SLC24A4: variants seen among roughly 807,000 people sequenced by gnomAD.
SLC24A4 encodes solute carrier family 24 member 4.
SLC24A4 carries 53 observed loss-of-function variants against 79.0 expected under a neutral mutation model. The ratio of observed to expected loss-of-function variants is 0.67; its 90% CI spans 0.54 to 0.84. The LOEUF (loss-of-function observed/expected upper bound fraction) is 0.84. Ranked by LOEUF, SLC24A4 falls within the 40% of genes least tolerant of loss-of-function variation. SLC24A4 has a pLI of 0.00. For missense variants in SLC24A4, 731 were observed against 822.0 expected (o/e 0.89, Z 1.35); for synonymous variants, 323 against 323.8 (o/e 1.00, Z 0.03).
chr14:92,391,536 A>G (rs2402134), intron 2 of SLC24A4, among the ~76,000 whole-genome samples: 10,624 of 152,228 alleles, frequency 0.07, 512 homozygotes, highest in Non-Finnish European at 0.097. Flanking sequence ...AGTGTTTGCT[A>G]CAGGGTAGGT....
At chr14:92,451,094 G>A (rs1465815472) in intron 10 of SLC24A4, 1 of 152,264 alleles carries the variant, frequency 6.6e-6, no homozygotes, top group Non-Finnish European at 1.5e-5. Flanking sequence ...AAGCACTGGG[G>A]AAGGAGGGAG....
chr14:92,474,863 A>ATATATT (rs36185636), intron 12 of SLC24A4, among the ~76,000 whole-genome samples: 636 of 57,086 alleles, frequency 0.011, 55 homozygotes, highest in African/African-American at 0.034. Context: ...ATATATATAT[A>ATATATT]TTTTTTTTTT....
At chr14:92,337,873 A>G (rs888929881) in intron 2 of SLC24A4, among the ~76,000 whole-genome samples, 1 of 152,080 alleles carries the variant, frequency 6.6e-6, no homozygotes, top group South Asian at 2.1e-4. Context: ...AGCTGCAATT[A>G]CCTCTTAAAG....
Position 92,412,790 on chromosome 14 carries a change from A to C in SLC24A4, c.242-21122A>C, listed in dbSNP as rs184623346. On this transcript the variant is annotated intron_variant, in intron 2 of 16. Coordinates refer to ENST00000532405, the MANE Select transcript of SLC24A4 (RefSeq NM_153646.4). ...TCCCACCGCCTCACCACCCTGCCTG[A>C]TGTTTCTAAAGTAAGGGCCAATCAA... Among the ~76,000 whole-genome samples the C allele has an allele frequency of 1.4e-4, 22 of 152,126 alleles. No individual in the cohort carries two copies. The East Asian group carries it at 4.3e-3, about 29-fold the overall frequency.
chr14:92,473,098 T>C (rs1051416458), intron 12 of SLC24A4, among the ~76,000 whole-genome samples: 1 of 152,230 alleles, frequency 6.6e-6, no homozygotes, highest in South Asian at 2.1e-4. Context: ...AAAACCTTTT[T>C]TTCATGACCA....
intron 2 of SLC24A4, among the ~76,000 whole-genome samples, chr14:92,403,682 A>C (rs1595226452): frequency 6.6e-6 from 1 of 151,904 alleles, no homozygotes; most frequent in East Asian, 1.9e-4. Flanking sequence ...AATCAGGGAG[A>C]ATTGCCTTCC....
Position 92,439,320 on chromosome 14 carries a change from C to A in SLC24A4, c.319-15C>A. ...GACCCTCACCGACCCTGCCTGTCTC[C>A]TCTCTCCTTTGCAGGCTCTGTATAT... On this transcript the variant is annotated splice_polypyrimidine_tract_variant and intron_variant, in intron 3 of 16. Transcript: ENST00000532405. 2 of 1,611,102 alleles carry A rather than the reference C, an allele frequency of 1.2e-6. No individual in the cohort carries two copies. The highest frequency in any genetic ancestry group is 8.5e-7 in the Non-Finnish European group (1 of 1,177,492).
rs1425980498 is a variant in SLC24A4 at position 92,490,251 on chromosome 14, A to G, written c.1538-1414A>G. 2.0e-5 allele frequency among the ~76,000 whole-genome samples: 3 copies of G among 152,224 alleles called. No individual in the cohort carries two copies. The highest frequency in any genetic ancestry group is 2.0e-4 in the Admixed American group (3 of 15,286). On this transcript the variant is annotated intron_variant, in intron 14 of 16. Coordinates refer to ENST00000532405, the MANE Select transcript of SLC24A4 (RefSeq NM_153646.4). This position sits in a 1 kb window ranked among gnomAD's most constrained non-coding sequence, Gnocchi z 4.3. ...TTCCAAAAACATGTGTATGTGTGCC[A>G]GGTTAGGACAGTGGTGTGGAAGTAT...
chr14:92,449,094 C>G lies in SLC24A4; in HGVS notation c.758C>G (p.Ala253Gly), dbSNP rs113522128. 54 of 1,614,172 alleles carry G rather than the reference C, an allele frequency of 3.3e-5. 1 individual carries two copies. The highest frequency in any genetic ancestry group is 3.2e-4 in the African/African-American group (24 of 75,058). The stretch of plus-strand genomic sequence containing the variant: ...TCCAGGTACAATGTGAAGATGCAAG[C>G]CTTTTTCACAGTCAAACAAAAGAGC... ...LIMKYNVKMQAFFTVKQKSIA... is the reference protein window; with the variant it reads ...LIMKYNVKMQGFFTVKQKSIA... The change falls in exon 10 of 17, where the codon GCC becomes GGC. Residue 253 changes from alanine to glycine, a missense_variant. Transcript: ENST00000532405.
intron 2 of SLC24A4, among the ~76,000 whole-genome samples, chr14:92,380,290 G>C (rs1019639496): frequency 6.6e-6 from 1 of 152,224 alleles, no homozygotes; most frequent in African/African-American, 2.4e-5. Context: ...CTAAGGAGCA[G>C]GTTGAGTCTC....
intron 2 of SLC24A4, among the ~76,000 whole-genome samples, chr14:92,394,477 C>T (rs892372794): frequency 6.6e-6 from 1 of 151,986 alleles, no homozygotes; most frequent in Non-Finnish European, 1.5e-5. Flanking sequence ...TGGTGGTATC[C>T]ACCCATAGTC....
intron 2 of SLC24A4, among the ~76,000 whole-genome samples, chr14:92,328,481 C>A (rs879802599): frequency 1.1e-4 from 16 of 152,276 alleles, no homozygotes; most frequent in Admixed American, 1.0e-3. Flanking sequence ...GCCTGGGGGA[C>A]TAGATGAGGC....
chr14:92,325,175 G>A (rs186005529), intron 1 of SLC24A4, among the ~76,000 whole-genome samples: 40 of 152,360 alleles, frequency 2.6e-4, no homozygotes, highest in Admixed American at 2.3e-3. Context: ...AGCTGAAGCA[G>A]TGCGCATCAG....
At position 92,354,327 on chromosome 14, in the gene SLC24A4, A is replaced by G. The variant is rs1357376370; in HGVS notation, c.241+28349A>G. On this transcript the variant is annotated intron_variant, in intron 2 of 16. Transcript: ENST00000532405. ...CACCATGCCCGGCTATTTTTTTTGT[A>G]TTTTCAGTAGAGACGGGGTTTCACT... Among the ~76,000 whole-genome samples the G allele has an allele frequency of 4.6e-5, 7 of 151,356 alleles. No homozygotes were observed. The East Asian group carries it at 1.2e-3, about 25-fold the overall frequency.
chr14:92,444,776 A>G (rs997813922), intron 7 of SLC24A4, among the ~76,000 whole-genome samples: 2 of 151,988 alleles, frequency 1.3e-5, no homozygotes, highest in Admixed American at 1.3e-4. Flanking sequence ...AATTGCTTGA[A>G]CCTGGGAGAC....
At chr14:92,372,560 G>A (rs1255952679) in intron 2 of SLC24A4, among the ~76,000 whole-genome samples, 3 of 152,162 alleles carry the variant, frequency 2.0e-5, no homozygotes, top group Admixed American at 6.5e-5. Flanking sequence ...GTTAGGGCCT[G>A]AGCACATACC....
chr14:92,369,782 G>A (rs1307660531), intron 2 of SLC24A4, among the ~76,000 whole-genome samples: 1 of 152,088 alleles, frequency 6.6e-6, no homozygotes, highest in African/African-American at 2.4e-5. Flanking sequence ...CCTGCTAGAT[G>A]CCAATAGCAT....
At chr14:92,467,386 G>A (rs2042411287) in intron 12 of SLC24A4, among the ~76,000 whole-genome samples, 1 of 152,142 alleles carries the variant, frequency 6.6e-6, no homozygotes, top group African/African-American at 2.4e-5. Context: ...ACAAATTTAG[G>A]AATAGAAGGA....
chr14:92,352,825 A>G (rs1368001308), intron 2 of SLC24A4, among the ~76,000 whole-genome samples: 1 of 152,144 alleles, frequency 6.6e-6, no homozygotes, highest in East Asian at 1.9e-4. Flanking sequence ...ACATTCAGGA[A>G]AGGAATTGAG....
Sources: gnomAD v4.1 joint callset for allele counts (sites outside exome capture counted in the v4.1 genomes callset) on GRCh38, gnomAD v4.1.1 for gene constraint, Gnocchi (gnomAD v3.1) non-coding constraint, MANE v1.5 for transcripts, NCBI Gene and HGNC (gene_info 2026-07-23, HGNC 2026-07-21) for gene names.